TMED3: variants seen among roughly 807,000 people sequenced by gnomAD.
The protein encoded by TMED3 is transmembrane p24 trafficking protein 3.
In TMED3, 9 loss-of-function variants were observed where a neutral mutation model predicts 15.0. That is an observed-to-expected ratio of 0.60 (90% CI 0.36 to 1.04). The LOEUF (loss-of-function observed/expected upper bound fraction) is 1.04. Ranked by LOEUF, TMED3 falls within the 50% of genes least tolerant of loss-of-function variation. TMED3 has a pLI of 0.01. For missense variants in TMED3, 267 were observed against 278.9 expected (o/e 0.96, Z 0.30); for synonymous variants, 117 against 121.4 (o/e 0.96, Z 0.24).
At chr15:79,354,207 A>T (rs916986703) in intron 2 of TMED3, among the ~76,000 whole-genome samples, 1 of 152,012 alleles carries the variant, frequency 6.6e-6, no homozygotes. Context: ...CTTGTCACTA[A>T]TTTCTTTCCA....
At chr15:79,376,796 A>C (rs1377897968) in intron 2 of TMED3, among the ~76,000 whole-genome samples, 2 of 152,156 alleles carry the variant, frequency 1.3e-5, no homozygotes, top group Admixed American at 6.5e-5. Context: ...GTTGGTGCTC[A>C]GAGTTTGTTC....
At chr15:79,346,009 T>C (rs1313411534) in intron 2 of TMED3, among the ~76,000 whole-genome samples, 1 of 152,236 alleles carries the variant, frequency 6.6e-6, no homozygotes, top group African/African-American at 2.4e-5. Context: ...TTTGTATTTT[T>C]TCTTGTAAAT....
At chr15:79,407,443 T>A (rs1893916104) in intron 2 of TMED3, among the ~76,000 whole-genome samples, 1 of 152,204 alleles carries the variant, frequency 6.6e-6, no homozygotes, top group Admixed American at 6.5e-5. Context: ...GGACTATTTC[T>A]TCCCAAAGTA....
downstream of TMED3, among the ~76,000 whole-genome samples, chr15:79,324,792 C>T (rs2058781428): frequency 6.6e-6 from 1 of 152,146 alleles, no homozygotes; most frequent in Non-Finnish European, 1.5e-5. Flanking sequence ...AAAAGGGTGT[C>T]AGCATTGGCA....
chr15:79,361,454 C>T (rs1402508425), intron 2 of TMED3, among the ~76,000 whole-genome samples: 1 of 152,090 alleles, frequency 6.6e-6, no homozygotes, highest in Non-Finnish European at 1.5e-5. Flanking sequence ...ACCCGGGTAA[C>T]TCAGGAATGG....
At chr15:79,410,339 T>C (rs1595914081) in intron 2 of TMED3, among the ~76,000 whole-genome samples, 2 of 152,296 alleles carry the variant, frequency 1.3e-5, no homozygotes, top group South Asian at 2.1e-4. Flanking sequence ...ACCCAATTTT[T>C]CCCATCGGAA....
At chr15:79,352,674 AT>A (rs1472779026) in intron 2 of TMED3, among the ~76,000 whole-genome samples, 19 of 61,432 alleles carry the variant, frequency 3.1e-4, no homozygotes, top group East Asian at 2.1e-3. Flanking sequence ...GAAAAAAAAA[AT>A]ATATATATAT....
intron 2 of TMED3, among the ~76,000 whole-genome samples, chr15:79,411,009 A>G (rs1226363107): frequency 6.6e-6 from 1 of 152,214 alleles, no homozygotes; most frequent in African/African-American, 2.4e-5. Context: ...AACAAGAAAC[A>G]TGCTGGTTGC....
intron 2 of TMED3, among the ~76,000 whole-genome samples, chr15:79,393,373 G>C (rs143614042): frequency 1.5e-3 from 229 of 152,284 alleles, no homozygotes; most frequent in African/African-American, 5.1e-3. Context: ...TGCCAGGAGA[G>C]GATACAGAAA....
chr15:79,349,551 G>T (rs534912852), intron 2 of TMED3, among the ~76,000 whole-genome samples: 2 of 151,940 alleles, frequency 1.3e-5, no homozygotes, highest in African/African-American at 2.4e-5. Context: ...TATCCTATTC[G>T]TCTCTCCCTA....
At chr15:79,389,691 G>A (rs753896399) in intron 2 of TMED3, among the ~76,000 whole-genome samples, 165 of 152,070 alleles carry the variant, frequency 1.1e-3, no homozygotes, top group Non-Finnish European at 7.1e-4. Flanking sequence ...CAGTATGGTC[G>A]TTTTCACAAT....
intron 2 of TMED3, among the ~76,000 whole-genome samples, chr15:79,318,084 T>G (rs1271639172): frequency 6.6e-6 from 1 of 152,184 alleles, no homozygotes; most frequent in Admixed American, 6.5e-5. Context: ...TGTACAGTTC[T>G]TTGCCTGTGC....
At chr15:79,388,040 T>C (rs148266250) in intron 2 of TMED3, among the ~76,000 whole-genome samples, 241 of 152,246 alleles carry the variant, frequency 1.6e-3, no homozygotes, top group African/African-American at 5.3e-3. Flanking sequence ...TCTGAAAATA[T>C]AGGATTTTTT....
chr15:79,355,068 C>G (rs1351860970), intron 2 of TMED3, among the ~76,000 whole-genome samples: 1 of 152,160 alleles, frequency 6.6e-6, no homozygotes, highest in Non-Finnish European at 1.5e-5. Context: ...CACTTGGTAC[C>G]AGTAATACAG....
At chr15:79,403,864 C>T (rs1288965352) in intron 2 of TMED3, among the ~76,000 whole-genome samples, 2 of 152,142 alleles carry the variant, frequency 1.3e-5, no homozygotes. Context: ...TCTCTTGGTT[C>T]CTGAATATGT....
At chr15:79,380,969 A>C (rs1893523415) in intron 2 of TMED3, among the ~76,000 whole-genome samples, 1 of 152,156 alleles carries the variant, frequency 6.6e-6, no homozygotes, top group African/African-American at 2.4e-5. Context: ...AGGATGGATA[A>C]GGATGTGTCT....
At chr15:79,361,713 A>ATT (rs199721931) in intron 2 of TMED3, among the ~76,000 whole-genome samples, 5 of 56,770 alleles carry the variant, frequency 8.8e-5, no homozygotes, top group African/African-American at 1.9e-4. Context: ...AAATAAAAAA[A>ATT]TTAAAAAAAA....
At chr15:79,384,814 G>A (rs957119788) in intron 2 of TMED3, 2 of 152,174 alleles carry the variant, frequency 1.3e-5, no homozygotes, top group Non-Finnish European at 2.9e-5. Context: ...TCGAGCCCAG[G>A]AGTTTGAGAC....
intron 2 of TMED3, among the ~76,000 whole-genome samples, chr15:79,410,688 A>G (rs1307973247): frequency 1.5e-5 from 2 of 136,694 alleles, no homozygotes; most frequent in Non-Finnish European, 3.4e-5. Context: ...ATATGTGTAT[A>G]TGTGTGTGTG....
Sources: gnomAD v4.1 joint callset for allele counts (sites outside exome capture counted in the v4.1 genomes callset) on GRCh38, gnomAD v4.1.1 for gene constraint, MANE v1.5 for transcripts, NCBI Gene and HGNC (gene_info 2026-07-23, HGNC 2026-07-21) for gene names.